The following ZNF44 variants were observed in gnomAD, a reference collection of about 807,000 sequenced individuals.
ZNF44 encodes zinc finger protein 44, also known as gonadotropin inducible transcription repressor-2.
In ZNF44, 9 loss-of-function variants were observed where a neutral mutation model predicts 11.7. The ratio of observed to expected loss-of-function variants is 0.77; its 90% CI spans 0.46 to 1.35. The LOEUF is 1.35. Ranked by LOEUF, ZNF44 falls within the 40% of genes most tolerant of loss-of-function variation. ZNF44 has a pLI of 0.00. For synonymous variants in ZNF44, 224 were observed against 242.7 expected, an observed-to-expected ratio of 0.92 and a Z score of 0.72; for missense variants, 696 against 743.1, an observed-to-expected ratio of 0.94 and a Z score of 0.74.
At chr19:12,285,912 A>C (rs894566364) in intron 1 of ZNF44, among the ~76,000 whole-genome samples, 19 of 151,702 alleles carry the variant, frequency 1.3e-4, no homozygotes, top group African/African-American at 4.6e-4. Flanking sequence ...CCAGCTACTC[A>C]GGAGGCTGAG....
intron 5 of ZNF44, among the ~76,000 whole-genome samples, chr19:12,264,887 A>G (rs1256755631): frequency 1.3e-5 from 2 of 151,952 alleles, no homozygotes; most frequent in Admixed American, 6.6e-5. Flanking sequence ...TGTTAGAGAC[A>G]GGGTTTCGCC....
At chr19:12,255,856 G>A (rs1303538525) in intron 5 of ZNF44, among the ~76,000 whole-genome samples, 3 of 151,956 alleles carry the variant, frequency 2.0e-5, no homozygotes, top group Admixed American at 6.6e-5. Flanking sequence ...CCTCAACATG[G>A]AGAAACCCCG....
At chr19:12,232,113 A>G (rs1916188308) in intron 2 of ZNF44, among the ~76,000 whole-genome samples, 1 of 152,232 alleles carries the variant, frequency 6.6e-6, no homozygotes, top group South Asian at 2.1e-4. Context: ...GCATCATAGT[A>G]AAGAATCAAG....
At chr19:12,258,652 A>G (rs536487709) in intron 5 of ZNF44, among the ~76,000 whole-genome samples, 2 of 152,230 alleles carry the variant, frequency 1.3e-5, no homozygotes, top group African/African-American at 4.8e-5. Context: ...CAACATGGCA[A>G]AACCTCGTCT....
At chr19:12,229,296 CAAGT>C (rs968514189) in intron 3 of ZNF44, among the ~76,000 whole-genome samples, 1 of 152,084 alleles carries the variant, frequency 6.6e-6, no homozygotes, top group African/African-American at 2.4e-5. Context: ...GCCTAATAAA[CAAGT>C]AGAGCTGGAA....
chr19:12,292,637 C>T (rs1669141949), intron 1 of ZNF44, among the ~76,000 whole-genome samples: 1 of 152,108 alleles, frequency 6.6e-6, no homozygotes, highest in African/African-American at 2.4e-5. Flanking sequence ...CTAGGAGACA[C>T]TGCCTTATGT....
chr19:12,280,235 A>G (rs915020525), intron 1 of ZNF44, among the ~76,000 whole-genome samples: 1 of 152,096 alleles, frequency 6.6e-6, no homozygotes, highest in Non-Finnish European at 1.5e-5. Flanking sequence ...AAAAATAATA[A>G]TATCAACAAT....
Position 12,273,242 on chromosome 19 carries a change from T to C in ZNF44, c.1013A>G (p.Lys338Arg). Residue 338 changes from lysine to arginine, a missense_variant, in exon 4 of 4, where the codon AAA (lysine) becomes AGA (arginine). By Grantham distance (26) the Lys-to-Arg change is conservative. Coordinates refer to ENST00000355684, the MANE Select transcript of ZNF44 (RefSeq NM_016264.4). ...MIMHSGDGPH[K>R]CKICGKGFDF... ...AAAGCCTTTCCCACATATCTTACAT[T>C]TATGAGGTCCATCTCCACTGTGCAT... 6.2e-7 allele frequency: 1 copy of C among 1,614,084 alleles called. No individual in the cohort carries two copies.
chr19:12,280,545 AAC>A (rs1967435790), intron 1 of ZNF44, among the ~76,000 whole-genome samples: 2 of 152,136 alleles, frequency 1.3e-5, no homozygotes, highest in Non-Finnish European at 2.9e-5. Context: ...GAAGTTAAAA[AAC>A]ACAGAGAAGA....
rs527950258 is a variant in ZNF44, at chr19:12,272,675, G to A, written c.1580C>T (p.Thr527Met). The A allele has an allele frequency of 3.9e-5, 63 of 1,613,682 alleles. No homozygotes were observed. In the Middle Eastern group the frequency reaches 6.6e-4, roughly 17 times the overall value. Residue 527 changes from threonine (T) to methionine (M), a missense_variant, in exon 4 of 4, where the codon ACG becomes ATG. Thr to Met is a moderately conservative substitution (Grantham distance 81). Coordinates refer to ENST00000355684, the MANE Select transcript of ZNF44 (RefSeq NM_016264.4). Reference sequence around the variant, plus strand: ...CTTACATTCATATGGCTTCTCTGCCGTGTGAGTCCTTTCATGAGTTTTTAA... The same window carrying A: ...CTTACATTCATATGGCTTCTCTGCCATGTGAGTCCTTTCATGAGTTTTTAA... ...SYLKTHERTH[T>M]AEKPYECKQC...
intron 5 of ZNF44, among the ~76,000 whole-genome samples, chr19:12,266,461 C>G (rs1354969127): frequency 6.6e-6 from 1 of 152,222 alleles, no homozygotes; most frequent in East Asian, 1.9e-4. Context: ...GTCGCCCCGC[C>G]TGCTGCCCTA....
Position 12,276,629 on chromosome 19 carries a change from C to A in ZNF44, c.4-547G>T, listed in dbSNP as rs568105065. On this transcript the variant is annotated intron_variant, in intron 1 of 3. Coordinates refer to ENST00000355684, the MANE Select transcript of ZNF44 (RefSeq NM_016264.4). The stretch of plus-strand genomic sequence containing the variant: ...CTGAGAGTTTGGAATTGTATTACAT[C>A]CTCAGCAGAGGAAGTGTACCCAATC... Among the ~76,000 whole-genome samples, 12 of 152,256 alleles carry A rather than the reference C, an allele frequency of 7.9e-5. No homozygotes were observed. The South Asian group carries it at 2.5e-3, about 32-fold the overall frequency.
intron 5 of ZNF44, among the ~76,000 whole-genome samples, chr19:12,265,122 T>A (rs1256555808): frequency 6.6e-6 from 1 of 151,818 alleles, no homozygotes; most frequent in African/African-American, 2.4e-5. Context: ...GAAAAAGGGG[T>A]TAAAATAATA....
At chr19:12,242,109 A>G (rs1402571595), upstream of ZNF44, among the ~76,000 whole-genome samples, 1 of 152,142 alleles carries the variant, frequency 6.6e-6, no homozygotes, top group Non-Finnish European at 1.5e-5. Context: ...AAAATTCTGG[A>G]ACTAGCTAGC....
intron 1 of ZNF44, chr19:12,284,923 C>T (rs1800273391): frequency 4.2e-6 from 3 of 716,898 alleles, no homozygotes; most frequent in Non-Finnish European, 7.5e-6. Flanking sequence ...ATCGTCTCAG[C>T]GCCTGTGCCC....
intron 5 of ZNF44, chr19:12,260,658 A>G: frequency 1.7e-6 from 1 of 597,582 alleles, no homozygotes; most frequent in Non-Finnish European, 3.0e-6. Flanking sequence ...GTCCTTGCCC[A>G]GGATGTAAAC....
At chr19:12,233,183 C>A (rs901083721) in intron 2 of ZNF44, among the ~76,000 whole-genome samples, 8 of 152,158 alleles carry the variant, frequency 5.3e-5, no homozygotes, top group African/African-American at 1.7e-4. Flanking sequence ...CTGAGAAACC[C>A]CCCTCCGGCC....
intron 5 of ZNF44, chr19:12,260,452 C>T: frequency 7.2e-7 from 1 of 1,395,236 alleles, no homozygotes. Context: ...CGCATGGCAG[C>T]CATCCGCAGG....
chr19:12,285,102 C>T (rs1967673963), intron 1 of ZNF44: 4 of 648,746 alleles, frequency 6.2e-6, no homozygotes, highest in Non-Finnish European at 1.1e-5. Context: ...GTCTCCCTAT[C>T]AGGAATTCAC....
Sources: gnomAD v4.1 joint callset for allele counts (sites outside exome capture counted in the v4.1 genomes callset) on GRCh38, gnomAD v4.1.1 for gene constraint, MANE v1.5 for transcripts, NCBI Gene and HGNC (gene_info 2026-07-23, HGNC 2026-07-21) for gene names.